ADAMTS17: variants seen among roughly 807,000 people sequenced by gnomAD.
ADAMTS17 encodes the protein ADAM metallopeptidase with thrombospondin type 1 motif 17.
Under a neutral mutation model 141.5 loss-of-function variants are expected in ADAMTS17, and 113 were observed. The observed-to-expected ratio is 0.80, with a 90% CI of 0.69 to 0.93. The LOEUF is 0.93. ADAMTS17 is among the 40% of genes least tolerant of loss of function. The pLI is 0.00. For missense variants in ADAMTS17, 1,659 were observed against 1,517.9 expected (o/e 1.09, Z -1.54); for synonymous variants, 768 against 630.6 (o/e 1.22, Z -3.27).
In ADAMTS17 at chr15:100,182,263, C is replaced by T. The variant is rs147219552; in HGVS notation, c.1181+17055G>A. ...CACATGGTGGCAAGAGAGAGAAGAGCGAAGGCGGACGAGCCCCTTATAAAA... is the reference window on the plus strand; with the variant it reads ...CACATGGTGGCAAGAGAGAGAAGAGTGAAGGCGGACGAGCCCCTTATAAAA... On this transcript the variant is annotated intron_variant, in intron 8 of 21. Coordinates refer to ENST00000268070, the MANE Select transcript of ADAMTS17 (RefSeq NM_139057.4). Among the ~76,000 whole-genome samples, 10 of 152,268 alleles carry T rather than the reference C, an allele frequency of 6.6e-5. No homozygotes were observed. In the East Asian group the frequency reaches 9.6e-4, roughly 15 times the overall value.
intron 18 of ADAMTS17, among the ~76,000 whole-genome samples, chr15:100,033,387 G>A (rs2030378677): frequency 6.6e-6 from 1 of 152,186 alleles, no homozygotes; most frequent in African/African-American, 2.4e-5. Flanking sequence ...TTCCAGTTGG[G>A]CTGGCTTTTC....
chr15:100,155,415 T>A, intron 8 of ADAMTS17, 95 bp from the exon 9 acceptor site: 1 of 1,535,076 alleles, frequency 6.5e-7, no homozygotes. Flanking sequence ...AATCAAGTCT[T>A]AAAAACAAAA....
At chr15:100,340,151 C>T (rs1416913840) in intron 2 of ADAMTS17, among the ~76,000 whole-genome samples, 1 of 152,228 alleles carries the variant, frequency 6.6e-6, no homozygotes, top group African/African-American at 2.4e-5. Context: ...AGCCCATCTG[C>T]CGGCCATGTG....
intron 4 of ADAMTS17, among the ~76,000 whole-genome samples, chr15:100,264,339 T>A (rs1181684457): frequency 1.3e-5 from 2 of 152,188 alleles, no homozygotes; most frequent in Non-Finnish European, 2.9e-5. Context: ...CCTTAAAATA[T>A]TCAGCATCAG....
intron 14 of ADAMTS17, among the ~76,000 whole-genome samples, chr15:100,103,198 C>G (rs1303002346): frequency 6.6e-6 from 1 of 152,118 alleles, no homozygotes; most frequent in East Asian, 1.9e-4. Flanking sequence ...AGGGAATGAC[C>G]TTCACGTTTC....
chr15:100,072,009 A>C lies in ADAMTS17; in HGVS notation c.2138-17955T>G. Among the ~76,000 whole-genome samples, 2 of 150,144 alleles carry C rather than the reference A, an allele frequency of 1.3e-5. 1 individual carries two copies. The highest frequency in any genetic ancestry group is 3.0e-5 in the Non-Finnish European group (2 of 67,470). ...CATGACTGTATATCTAGAAAACCCC[A>C]CCATCTCAGCCCAAAATCTCCTTGA... On this transcript the variant is annotated intron_variant, in intron 15 of 21. Transcript: ENST00000268070.
At chr15:100,052,239 G>GAA (rs397807524) in intron 16 of ADAMTS17, among the ~76,000 whole-genome samples, 1 of 151,974 alleles carries the variant, frequency 6.6e-6, no homozygotes, top group African/African-American at 2.4e-5. Context: ...TTGGTCCAGA[G>GAA]TCAGGAGTAA....
intron 10 of ADAMTS17, among the ~76,000 whole-genome samples, chr15:100,134,143 A>G (rs562040708): frequency 6.6e-6 from 1 of 152,276 alleles, no homozygotes; most frequent in South Asian, 2.1e-4. Flanking sequence ...AAGAGACAGG[A>G]GCTGGTAACT....
At chr15:100,229,822 AGTG>A (rs2042421604) in intron 7 of ADAMTS17, among the ~76,000 whole-genome samples, 1 of 152,232 alleles carries the variant, frequency 6.6e-6, no homozygotes. Context: ...ACTCTCTTGC[AGTG>A]GTGAAGTATG....
intron 18 of ADAMTS17, among the ~76,000 whole-genome samples, chr15:100,033,432 C>A (rs188682639): frequency 6.6e-6 from 1 of 152,210 alleles, no homozygotes; most frequent in East Asian, 1.9e-4. Flanking sequence ...CAGTAGCCCT[C>A]TTGCTAACAG....
At chr15:100,137,921 C>A (rs1285843144) in intron 10 of ADAMTS17, among the ~76,000 whole-genome samples, 1 of 152,062 alleles carries the variant, frequency 6.6e-6, no homozygotes, top group Non-Finnish European at 1.5e-5. Context: ...AACACCAATG[C>A]CCACCCTTTC....
intron 10 of ADAMTS17, among the ~76,000 whole-genome samples, chr15:100,142,915 C>A (rs1596545354): frequency 6.6e-6 from 1 of 152,230 alleles, no homozygotes; most frequent in Non-Finnish European, 1.5e-5. Flanking sequence ...ATGCACACCT[C>A]GGGTCCTTGT....
intron 18 of ADAMTS17, among the ~76,000 whole-genome samples, chr15:100,048,589 A>ATTTTT (rs3062438): frequency 4.3e-5 from 4 of 92,356 alleles, no homozygotes; most frequent in Non-Finnish European, 6.4e-5. Flanking sequence ...GGTGATGGCC[A>ATTTTT]TTTTTTTTTT....
chr15:100,162,960 CTATA>C (rs200627842), intron 8 of ADAMTS17, among the ~76,000 whole-genome samples: 2,126 of 128,058 alleles, frequency 0.017, 63 homozygotes, highest in African/African-American at 0.051. Flanking sequence ...ATATATATAA[CTATA>C]TATGTATATA....
At chr15:100,277,721 A>G (rs2044148721) in intron 4 of ADAMTS17, among the ~76,000 whole-genome samples, 1 of 152,244 alleles carries the variant, frequency 6.6e-6, no homozygotes, top group Non-Finnish European at 1.5e-5. Flanking sequence ...AGCATCATCA[A>G]AAGTTAACAC....
chr15:100,340,882 G>A, intron 2 of ADAMTS17, 157 bp downstream of exon 2: 1 of 1,179,140 alleles, frequency 8.5e-7, no homozygotes. Context: ...CCGAAGGCCG[G>A]GGTGGGGGAT....
At chr15:100,099,198 G>T (rs2035947569) in intron 14 of ADAMTS17, among the ~76,000 whole-genome samples, 1 of 152,116 alleles carries the variant, frequency 6.6e-6, no homozygotes, top group African/African-American at 2.4e-5. Flanking sequence ...CAGGTCCATG[G>T]GTTCTGCCCA....
intron 18 of ADAMTS17, among the ~76,000 whole-genome samples, chr15:100,028,236 A>G (rs1367838934): frequency 1.3e-5 from 2 of 152,238 alleles, no homozygotes; most frequent in African/African-American, 4.8e-5. Flanking sequence ...TGGGGCACTC[A>G]TGCAGCCTTC....
intron 18 of ADAMTS17, among the ~76,000 whole-genome samples, chr15:100,001,604 G>A (rs1228105162): frequency 1.3e-5 from 2 of 152,098 alleles, no homozygotes; most frequent in Admixed American, 6.5e-5. Context: ...ATGCGTGCCT[G>A]CAGCAGGCAG....
Sources: allele counts gnomAD v4.1 joint callset (sites outside exome capture counted in the v4.1 genomes callset), GRCh38; gene constraint gnomAD v4.1.1; transcripts MANE v1.5; gene names NCBI Gene and HGNC (gene_info 2026-07-23, HGNC 2026-07-21).